The following ZSWIM4 variants were observed in gnomAD, a reference collection of about 807,000 sequenced individuals.
ZSWIM4 encodes the protein zinc finger SWIM domain-containing protein 4.
ZSWIM4 carries 62 observed loss-of-function variants against 102.5 expected under a neutral mutation model. That is an observed-to-expected ratio of 0.60 (90% CI 0.49 to 0.75). The LOEUF (loss-of-function observed/expected upper bound fraction) is 0.75. Among genes scored for constraint, ZSWIM4 ranks in the 30% least tolerant of loss-of-function variants. The pLI is 0.00. For synonymous variants in ZSWIM4, 652 were observed against 674.5 expected (o/e 0.97, Z 0.52); for missense variants, 1,280 against 1,529.6 (o/e 0.84, Z 2.72).
At chr19:13,799,276 T>G (rs571912511) in intron 1 of ZSWIM4, among the ~76,000 whole-genome samples, 8,523 of 68,128 alleles carry the variant, frequency 0.13, 239 homozygotes, top group African/African-American at 0.32. Context: ...TTTTTTATCT[T>G]TTTTTTTTTT....
chr19:13,809,252 C>T lies in ZSWIM4; in HGVS notation c.1012+32C>T. On this transcript the variant is annotated intron_variant, in intron 5 of 13. Coordinates refer to ENST00000590508, the MANE Select transcript of ZSWIM4 (RefSeq NM_001367834.3). This position sits in a 1 kb window ranked among gnomAD's most constrained non-coding sequence, Gnocchi z 4.2. ...CCCAAACCCCGGTGCGTGGTGGACA[C>T]CGGGACTTCGGCTCCCATGGGGGCT... 16 of 1,566,460 alleles carry T rather than the reference C, an allele frequency of 1.0e-5. No homozygotes were observed. The highest frequency in any genetic ancestry group is 1.3e-5 in the Non-Finnish European group (15 of 1,156,326).
chr19:13,808,609 C>T (rs959663815), intron 3 of ZSWIM4, among the ~76,000 whole-genome samples: 5 of 151,764 alleles, frequency 3.3e-5, no homozygotes, highest in Non-Finnish European at 7.4e-5. Context: ...TGTAGTGGGG[C>T]GTGCCTGTAA....
chr19:13,806,794 G>A (rs1255797687), intron 3 of ZSWIM4, among the ~76,000 whole-genome samples: 1 of 152,098 alleles, frequency 6.6e-6, no homozygotes, highest in East Asian at 1.9e-4. Flanking sequence ...GATGAAGTTA[G>A]TGAAAGAATG....
At chr19:13,823,255 G>A (rs1975515175) in intron 10 of ZSWIM4, 91 bp from the exon 11 acceptor site, 2 of 1,385,632 alleles carry the variant, frequency 1.4e-6, no homozygotes, top group African/African-American at 1.4e-5. Context: ...TGGCTGAAGT[G>A]GGGAGGCTGG....
In ZSWIM4 at chr19:13,832,110, A is replaced by G. The variant is rs1490687091; in HGVS notation, c.*1060A>G. ...TTTTTTTCTATTTATTGAACGGTGT[A>G]TTACATGTCCTTTTCCTTTTTTTTT... On this transcript the variant is annotated 3_prime_UTR_variant, in exon 14 of 14. Transcript: ENST00000590508. The G allele has an allele frequency of 1.4e-5, 2 of 144,382 alleles. No individual in the cohort carries two copies. Among genetic ancestry groups the G allele is most frequent in the Non-Finnish European group, 3.0e-5 (2 of 66,702 alleles). The allele number at this position is 144,382 out of a possible 1,614,324, so 8.9% of individuals were successfully genotyped here. A position where few individuals can be genotyped will look rare whatever the true frequency, so the allele number is the denominator to read the frequency against.
Position 13,831,568 on chromosome 19 carries a change from T to C in ZSWIM4, c.*518T>C, listed in dbSNP as rs1975768746. 1 of 148,980 alleles carries C rather than the reference T, an allele frequency of 6.7e-6. No homozygotes were observed. 9.2% of individuals were successfully genotyped at this position (148,980 alleles called of 1,614,324 possible). A position where few individuals can be genotyped will look rare whatever the true frequency, so the allele number is the denominator to read the frequency against. The stretch of plus-strand genomic sequence containing the variant: ...CCCCACTGAAGGAATTGAAGAGGCC[T>C]CAGGCCTCAGCCTCATACCTCACCC... On this transcript the variant is annotated 3_prime_UTR_variant, in exon 14 of 14. Transcript: ENST00000590508.
At position 13,812,916 on chromosome 19, in the gene ZSWIM4, G is replaced by C; in HGVS notation, c.1013-81G>C. 4.8e-6 allele frequency: 7 copies of C among 1,448,322 alleles called. No individual in the cohort carries two copies. The South Asian group carries it at 7.8e-5, about 16-fold the overall frequency. 89.7% of individuals were successfully genotyped at this position (1,448,322 alleles called of 1,614,324 possible). A position where few individuals can be genotyped will look rare whatever the true frequency, so the allele number is the denominator to read the frequency against. On this transcript the variant is annotated intron_variant, in intron 5 of 13. Coordinates refer to ENST00000590508, the MANE Select transcript of ZSWIM4 (RefSeq NM_001367834.3). ...AGGTGAGGGGTTAGCAGATCATCAG[G>C]TGGCACACAGTGGGCACTGCGGAAG...
chr19:13,801,194 A>G lies in ZSWIM4; in HGVS notation c.355+1273A>G, dbSNP rs142344766. 7.1e-3 allele frequency among the ~76,000 whole-genome samples: 1,073 copies of G among 150,818 alleles called. 10 individuals are homozygous for G. Among genetic ancestry groups the G allele is most frequent in the African/African-American group, 0.025 (1,026 of 41,118 alleles). On this transcript the variant is annotated intron_variant, in intron 2 of 13. Coordinates refer to ENST00000590508, the MANE Select transcript of ZSWIM4 (RefSeq NM_001367834.3). ...AAGAGAGGTGAGGGCCACTCTAGGG[A>G]CAAGGGTAGAGGTTGAGACATGGTG...
intron 10 of ZSWIM4, 108 bp from the exon 11 acceptor site, chr19:13,823,238 G>GCT (rs1440570036): frequency 8.5e-7 from 1 of 1,178,848 alleles, no homozygotes; most frequent in Admixed American, 2.3e-5. Context: ...GGCTCTCAGG[G>GCT]CTCTGCTGGC....
At position 13,818,838 on chromosome 19, in the gene ZSWIM4, A is replaced by G. The variant is rs143537409; in HGVS notation, c.1925-519A>G. On this transcript the variant is annotated intron_variant, in intron 9 of 13. Coordinates refer to ENST00000590508, the MANE Select transcript of ZSWIM4 (RefSeq NM_001367834.3). ...CTCGGCCTCCCAAAGTGCTGGGATT[A>G]CAGGCATGAGCCGTGGTCCCCTGCC... 9.9e-3 allele frequency among the ~76,000 whole-genome samples: 1,449 copies of G among 145,678 alleles called. 20 individuals are homozygous for G. The highest frequency in any genetic ancestry group is 0.036 in the African/African-American group (1,397 of 38,974).
chr19:13,800,025 A>G, intron 2 of ZSWIM4, 104 bp downstream of exon 2: 1 of 1,152,008 alleles, frequency 8.7e-7, no homozygotes, highest in Non-Finnish European at 1.2e-6. Flanking sequence ...ATGGGAGGTT[A>G]CAGACCTCAG....
At chr19:13,821,055 G>C (rs913030431) in intron 10 of ZSWIM4, among the ~76,000 whole-genome samples, 13 of 152,124 alleles carry the variant, frequency 8.5e-5, no homozygotes, top group African/African-American at 2.9e-4. Flanking sequence ...AGGCCAAGGC[G>C]GACGGATCAC....
chr19:13,797,711 G>A (rs184005472), intron 1 of ZSWIM4, among the ~76,000 whole-genome samples: 504 of 152,260 alleles, frequency 3.3e-3, no homozygotes, highest in Middle Eastern at 0.024. Context: ...GGAGTGCAGT[G>A]GCACGATCTC....
chr19:13,802,947 A>G (rs1974813423), intron 2 of ZSWIM4, among the ~76,000 whole-genome samples: 1 of 152,218 alleles, frequency 6.6e-6, no homozygotes, highest in East Asian at 1.9e-4. Context: ...AAAGGGCTGC[A>G]GAGACTGGGA....
intron 10 of ZSWIM4, 58 bp downstream of exon 10, chr19:13,819,550 T>C: frequency 6.9e-7 from 1 of 1,444,154 alleles, no homozygotes; most frequent in East Asian, 2.5e-5. Flanking sequence ...GGGGCGGGCA[T>C]GGGGGGTAGC....
chr19:13,830,208 A>C lies in ZSWIM4; in HGVS notation c.2479A>C (p.Asn827His), dbSNP rs56177954. ...CCCACCAGGCCCGCAAGCCCTGATG[A>C]ATATCATGCAGAACTGGTATTCCTT... ...ATEIGPQALMNIMQNWYSLFT... is the reference protein window; with the variant it reads ...ATEIGPQALMHIMQNWYSLFT... The change falls in exon 14 of 14, where the codon AAT (asparagine) becomes CAT (histidine). Residue 827 changes from asparagine (N) to histidine (H), a missense_variant. Physicochemically the swap from Asn to His is moderately conservative, Grantham distance 68 (BLOSUM62 1). Coordinates refer to ENST00000590508, the MANE Select transcript of ZSWIM4 (RefSeq NM_001367834.3). 43,177 of 1,611,810 alleles carry C rather than the reference A, an allele frequency of 0.027. 731 individuals carry two copies. The highest frequency in any genetic ancestry group is 0.033 in the Non-Finnish European group (39,055 of 1,178,640).
chr19:13,819,586 A>G lies in ZSWIM4; in HGVS notation c.2060+94A>G, dbSNP rs1975406150. The stretch of plus-strand genomic sequence containing the variant: ...TCAGAGCCCCACCCATCCAGCCTGA[A>G]CTCACAGCCTAGTTAATTCAGTCTC... On this transcript the variant is annotated intron_variant, in intron 10 of 13. Coordinates refer to ENST00000590508, the MANE Select transcript of ZSWIM4 (RefSeq NM_001367834.3). 3 of 1,446,550 alleles carry G rather than the reference A, an allele frequency of 2.1e-6. No homozygotes were observed. The Admixed American group carries it at 6.8e-5, about 33-fold the overall frequency. The allele number at this position is 1,446,550 out of a possible 1,614,324, so 89.6% of individuals were successfully genotyped here.
At chr19:13,817,163 C>A in intron 7 of ZSWIM4, 53 bp from the exon 8 acceptor site, 1 of 1,568,090 alleles carries the variant, frequency 6.4e-7, no homozygotes, top group Non-Finnish European at 8.7e-7. Flanking sequence ...ATCCCTCCCT[C>A]CTAGAGACTT....
Position 13,808,768 on chromosome 19 carries a change from C to T in ZSWIM4, c.713-68C>T, listed in dbSNP as rs1974986559. The T allele has an allele frequency of 7.7e-6, 10 of 1,297,166 alleles. No homozygotes were observed. In the East Asian group the frequency reaches 2.4e-4, roughly 31 times the overall value. The allele number at this position is 1,297,166 out of a possible 1,614,324, so 80.4% of individuals were successfully genotyped here. ...AAAAAAAAAAAAAAAAAAAGGACAG[C>T]TCTCCTCAACCCAACCCAACCCCAA... On this transcript the variant is annotated intron_variant, in intron 3 of 13. Transcript: ENST00000590508.
Sources: allele counts gnomAD v4.1 joint callset (sites outside exome capture counted in the v4.1 genomes callset), GRCh38; gene constraint gnomAD v4.1.1; non-coding constraint Gnocchi (gnomAD v3.1); transcripts MANE v1.5; gene names NCBI Gene and HGNC (gene_info 2026-07-23, HGNC 2026-07-21).